C13orf42: variants seen among roughly 807,000 people sequenced by gnomAD.
The protein encoded by C13orf42 is uncharacterized protein C13orf42.
chr13:51,127,986 A>G (rs932043681), intron 1 of C13orf42, among the ~76,000 whole-genome samples: 4 of 152,220 alleles, frequency 2.6e-5, no homozygotes, highest in African/African-American at 7.2e-5. Flanking sequence ...AGCTTGCAGG[A>G]AAGAAGCCAG....
intron 1 of C13orf42, among the ~76,000 whole-genome samples, chr13:51,145,874 C>T (rs1832693): frequency 0.62 from 93,747 of 152,028 alleles, 29,207 homozygotes; most frequent in African/African-American, 0.7. Context: ...TCCTTCAATG[C>T]ATAAAACCAA....
rs144636103 is a variant in C13orf42, at chr13:51,127,190, C to T, written n.137-13968G>A. Among the ~76,000 whole-genome samples the T allele has an allele frequency of 3.2e-4, 49 of 152,064 alleles. No individual in the cohort carries two copies. In the East Asian group the frequency reaches 4.2e-3, roughly 13 times the overall value. ...TTAAAAAAATAAAAATAAAAAAATA[C>T]GAGACAAGGCGGAAGAAATGGAAAG... On this transcript the variant is annotated intron_variant and non_coding_transcript_variant, in intron 1 of 4. Coordinates refer to the C13orf42 transcript ENST00000433280.
At chr13:51,153,679 G>A (rs1243339818) in intron 1 of C13orf42, among the ~76,000 whole-genome samples, 1 of 112,006 alleles carries the variant, frequency 8.9e-6, no homozygotes, top group Non-Finnish European at 1.7e-5. Flanking sequence ...TCGCTTTGTC[G>A]CCCAGGCTGG....
intron 1 of C13orf42, among the ~76,000 whole-genome samples, chr13:51,094,449 A>C (rs1030436281): frequency 2.0e-5 from 3 of 152,168 alleles, no homozygotes; most frequent in African/African-American, 7.2e-5. Context: ...AATACATTTC[A>C]CTTTTAATTA....
rs1486108276 is a variant in C13orf42, at chr13:51,110,801, T to G, written c.409A>C (p.Ile137Leu). ...KTPVRSTPKE[I>L]KKATPKKYSQ... Reference sequence around the variant, plus strand: ...TACTGCTCAGCAGCACTTACCTTTATTTCTTTGGGAGTAGACCGGACAGGA... The same window carrying G: ...TACTGCTCAGCAGCACTTACCTTTAGTTCTTTGGGAGTAGACCGGACAGGA... Residue 137 changes from isoleucine to leucine, a missense_variant, in exon 1 of 4, where the codon ATA (isoleucine) becomes CTA (leucine). By Grantham distance (5) the Ile-to-Leu change is conservative. Coordinates refer to ENST00000563710, the MANE Select transcript of C13orf42 (RefSeq NM_001351589.3). 2 of 398,514 alleles carry G rather than the reference T, an allele frequency of 5.0e-6. No homozygotes were observed. The highest frequency in any genetic ancestry group is 8.8e-6 in the Non-Finnish European group (2 of 226,084). The allele number at this position is 398,514 out of a possible 1,614,324, so 24.7% of individuals were successfully genotyped here. A position where few individuals can be genotyped will look rare whatever the true frequency, so the allele number is the denominator to read the frequency against.
At chr13:51,118,600 G>A (rs1014016632) in intron 1 of C13orf42, among the ~76,000 whole-genome samples, 1 of 152,182 alleles carries the variant, frequency 6.6e-6, no homozygotes, top group African/African-American at 2.4e-5. Flanking sequence ...TTTTTACACA[G>A]GCAGCCTCGG....
rs576001649 is a variant in C13orf42 at position 51,160,971 on chromosome 13, A to C, written n.136+11282T>G. 4.8e-3 allele frequency among the ~76,000 whole-genome samples: 721 copies of C among 150,658 alleles called. 7 individuals carry two copies. Among genetic ancestry groups the C allele is most frequent in the Admixed American group, 6.2e-3 (94 of 15,148 alleles). ...ACAAAGATTGGAAACAAGAAAAAAA[A>C]AAAAAACAAAAAACTGCCAGTTGTC... On this transcript the variant is annotated intron_variant and non_coding_transcript_variant, in intron 1 of 4. Coordinates refer to the C13orf42 transcript ENST00000433280.
At position 51,153,203 on chromosome 13, in the gene C13orf42, C is replaced by G. The variant is rs565378693; in HGVS notation, n.136+19050G>C. Among the ~76,000 whole-genome samples, 37 of 152,246 alleles carry G rather than the reference C, an allele frequency of 2.4e-4. No homozygotes were observed. In the South Asian group the frequency reaches 7.5e-3, roughly 31 times the overall value. ...CTCCCTAGCAAGGGTTCTTCAACAC[C>G]CCCTCCCCTGTCCTGCCAAGTGACC... is the stretch of plus-strand genomic sequence containing the variant. On this transcript the variant is annotated intron_variant and non_coding_transcript_variant, in intron 1 of 4. Transcript: ENST00000433280.
intron 1 of C13orf42, among the ~76,000 whole-genome samples, chr13:51,166,945 G>A (rs191486879): frequency 5.7e-4 from 86 of 152,126 alleles, no homozygotes; most frequent in African/African-American, 2.0e-3. Flanking sequence ...TATGTGTGGT[G>A]GTGCGCACCT....
intron 1 of C13orf42, among the ~76,000 whole-genome samples, chr13:51,106,808 T>C (rs960440143): frequency 2.0e-5 from 3 of 152,176 alleles, no homozygotes; most frequent in African/African-American, 7.2e-5. Context: ...GCCATCCTTC[T>C]GCCACACACA....
At chr13:51,104,598 T>C (rs1490437950) in intron 1 of C13orf42, among the ~76,000 whole-genome samples, 1 of 151,890 alleles carries the variant, frequency 6.6e-6, no homozygotes, top group Non-Finnish European at 1.5e-5. Flanking sequence ...TGTGTGAAAA[T>C]GGTAAAAGTT....
At chr13:51,137,621 G>A (rs1486044102) in intron 1 of C13orf42, among the ~76,000 whole-genome samples, 4 of 152,046 alleles carry the variant, frequency 2.6e-5, no homozygotes, top group African/African-American at 4.8e-5. Flanking sequence ...ACAGAAAGGG[G>A]GCCCTTCCCT....
At chr13:51,136,491 G>A (rs1001734532) in intron 1 of C13orf42, among the ~76,000 whole-genome samples, 1 of 152,144 alleles carries the variant, frequency 6.6e-6, no homozygotes, top group African/African-American at 2.4e-5. Context: ...GACAGCTCCC[G>A]TCTAAGTGCT....
intron 1 of C13orf42, among the ~76,000 whole-genome samples, chr13:51,109,595 A>G (rs1204058872): frequency 1.3e-5 from 2 of 152,060 alleles, no homozygotes; most frequent in Admixed American, 1.3e-4. Context: ...ACAAAAAAAA[A>G]AAATTTTAAT....
intron 1 of C13orf42, among the ~76,000 whole-genome samples, chr13:51,088,580 C>T (rs942709164): frequency 1.3e-5 from 2 of 152,170 alleles, no homozygotes; most frequent in African/African-American, 4.8e-5. Flanking sequence ...AGGATAAATG[C>T]TTGAGGGGAT....
intron 1 of C13orf42, among the ~76,000 whole-genome samples, chr13:51,149,118 C>T (rs1423286946): frequency 2.0e-5 from 3 of 152,104 alleles, no homozygotes; most frequent in African/African-American, 4.8e-5. Flanking sequence ...ATTTCAACCA[C>T]GCTGCTAATT....
chr13:51,171,150 T>C (rs1360791507), intron 1 of C13orf42, among the ~76,000 whole-genome samples: 3 of 151,822 alleles, frequency 2.0e-5, no homozygotes, highest in Non-Finnish European at 2.9e-5. Flanking sequence ...CATTCCTCCT[T>C]CTCCTCCCTT....
At chr13:51,170,071 G>A (rs573842464) in intron 1 of C13orf42, among the ~76,000 whole-genome samples, 1 of 152,022 alleles carries the variant, frequency 6.6e-6, no homozygotes, top group Non-Finnish European at 1.5e-5. Flanking sequence ...TCCTTTTCCT[G>A]GCTCATCCTG....
intron 1 of C13orf42, among the ~76,000 whole-genome samples, chr13:51,139,838 C>A (rs1265928168): frequency 6.6e-6 from 1 of 152,222 alleles, no homozygotes; most frequent in East Asian, 1.9e-4. Flanking sequence ...GCCCTCAGAG[C>A]TGCTCTGCCT....
Sources: allele counts gnomAD v4.1 joint callset (sites outside exome capture counted in the v4.1 genomes callset), GRCh38; gene constraint gnomAD v4.1.1; transcripts MANE v1.5; gene names NCBI Gene and HGNC (gene_info 2026-07-23, HGNC 2026-07-21).